Variants in MAP7D2 observed in about 807,000 individuals in gnomAD.
MAP7D2 encodes the protein MAP7 domain-containing protein 2.
Under a neutral mutation model 63.5 loss-of-function variants are expected in MAP7D2, and 33 were observed. The ratio of observed to expected loss-of-function variants is 0.52; its 90% CI spans 0.39 to 0.70. The LOEUF (loss-of-function observed/expected upper bound fraction) is 0.70, where lower values mean the gene tolerates loss of function less well. MAP7D2 is among the 30% of genes least tolerant of loss of function. The pLI, the probability that MAP7D2 is intolerant of heterozygous loss-of-function variation, is 0.00. For synonymous variants in MAP7D2, 224 were observed against 223.7 expected (o/e 1.00, Z -0.01); for missense variants, 626 against 604.0 (o/e 1.04, Z -0.38).
chrX:20,027,952 G>A (rs1479909274), intron 8 of MAP7D2, among the ~76,000 whole-genome samples: 1 of 109,912 alleles, frequency 9.1e-6, no homozygotes, highest in Non-Finnish European at 1.9e-5. Context: ...GTGCCTCTAC[G>A]ATTCAGCACG....
At position 20,044,616 on chromosome X, in the gene MAP7D2, T is replaced by A. The variant is rs2064748250; in HGVS notation, c.719-92A>T. On this transcript the variant is annotated intron_variant, in intron 6 of 16. Coordinates refer to ENST00000379643, the MANE Select transcript of MAP7D2 (RefSeq NM_001168465.2). ...TGGGAAGAACACATTTCTGTTAAAATATGACCTGGGCAATCAATATCATAC... is the reference window on the plus strand; with the variant it reads ...TGGGAAGAACACATTTCTGTTAAAAAATGACCTGGGCAATCAATATCATAC... 4 of 831,991 alleles carry A rather than the reference T, an allele frequency of 4.8e-6. No individual in the cohort carries two copies. In the Admixed American group the frequency reaches 7.5e-5, roughly 16 times the overall value. 68.6% of individuals were successfully genotyped at this position (831,991 alleles called of 1,213,427 possible). A position where few individuals can be genotyped will look rare whatever the true frequency, so the allele number is the denominator to read the frequency against.
intron 1 of MAP7D2, among the ~76,000 whole-genome samples, chrX:20,089,002 C>T (rs1028082625): frequency 4.5e-5 from 5 of 111,164 alleles, no homozygotes; most frequent in Admixed American, 9.6e-5. Flanking sequence ...AGGCTGGTCT[C>T]GAACTCCTGA....
At chrX:20,114,884 G>A (rs949754247) in intron 1 of MAP7D2, among the ~76,000 whole-genome samples, 4 of 112,089 alleles carry the variant, frequency 3.6e-5, no homozygotes, top group Non-Finnish European at 1.9e-5. Context: ...AGAATGATCA[G>A]TATCCAGGAC....
chrX:20,085,839 G>A (rs1352712860), intron 1 of MAP7D2, among the ~76,000 whole-genome samples: 1 of 111,556 alleles, frequency 9.0e-6, no homozygotes, highest in African/African-American at 3.3e-5. Flanking sequence ...AGCCTCCCAA[G>A]TAGCTGGGAT....
Position 20,057,668 on chromosome X carries a change from G to C in MAP7D2, c.373-877C>G, listed in dbSNP as rs370472247. 1.9e-4 allele frequency among the ~76,000 whole-genome samples: 21 copies of C among 111,771 alleles called. No individual in the cohort carries two copies. The South Asian group carries it at 3.8e-3, about 20-fold the overall frequency. On this transcript the variant is annotated intron_variant, in intron 3 of 16. Coordinates refer to ENST00000379643, the MANE Select transcript of MAP7D2 (RefSeq NM_001168465.2). The stretch of plus-strand genomic sequence containing the variant: ...CCTCTCCCTATCTCCACTGGAGAAG[G>C]CCTGAGCTAGCAGTTATAATGACAC...
At chrX:20,116,504 A>C in intron 1 of MAP7D2, 1 of 845,869 alleles carries the variant, frequency 1.2e-6, no homozygotes, top group Non-Finnish European at 1.4e-6. Flanking sequence ...GCCCACCCTA[A>C]GCCACCCCCC....
chrX:20,054,611 G>A (rs1408302923), intron 4 of MAP7D2, among the ~76,000 whole-genome samples: 3 of 109,203 alleles, frequency 2.7e-5, no homozygotes, highest in Non-Finnish European at 3.8e-5. Context: ...TTTCAAGACA[G>A]AGTCTTGCTC....
chrX:20,085,660 T>C (rs73445280), intron 1 of MAP7D2, among the ~76,000 whole-genome samples: 4,323 of 112,440 alleles, frequency 0.038, 209 homozygotes, highest in African/African-American at 0.13. Flanking sequence ...TCACTAAATG[T>C]AAGAAACAAA....
At chrX:20,028,109 A>G (rs773855265) in intron 8 of MAP7D2, among the ~76,000 whole-genome samples, 53 of 112,047 alleles carry the variant, frequency 4.7e-4, no homozygotes, top group Non-Finnish European at 8.8e-4. Context: ...AAATGTCTAC[A>G]GACACATATT....
chrX:20,020,668 C>G (rs1307160270), intron 10 of MAP7D2, among the ~76,000 whole-genome samples: 2 of 111,247 alleles, frequency 1.8e-5, no homozygotes, highest in Admixed American at 1.9e-4. Flanking sequence ...GCATGTGCCC[C>G]CACCTGCCCT....
intron 2 of MAP7D2, among the ~76,000 whole-genome samples, chrX:20,064,307 C>T (rs1362219830): frequency 8.9e-6 from 1 of 112,274 alleles, no homozygotes; most frequent in African/African-American, 3.2e-5. Context: ...CCTTTCTCAA[C>T]CAGGGCTCTC....
At chrX:20,057,641 C>T (rs1189555125) in intron 3 of MAP7D2, among the ~76,000 whole-genome samples, 1 of 112,135 alleles carries the variant, frequency 8.9e-6, no homozygotes, top group Non-Finnish European at 1.9e-5. Flanking sequence ...CAAATACCAA[C>T]TCCTCTCCCT....
chrX:20,092,560 C>T lies in MAP7D2; in HGVS notation c.130+24190G>A, dbSNP rs748978504. 4.2e-4 allele frequency among the ~76,000 whole-genome samples: 47 copies of T among 112,410 alleles called. 1 individual carries two copies. The highest frequency in any genetic ancestry group is 1.5e-3 in the South Asian group (4 of 2,708). On this transcript the variant is annotated intron_variant, in intron 1 of 16. Transcript: ENST00000379643. ...TAGTGATCCTCTCAACAGAATTCCT[C>T]TTCTTCCCCCGTCTTATAACTTATT...
chrX:20,025,172 A>C (rs1194434428), intron 9 of MAP7D2, 89 bp from the exon 10 acceptor site: 59 of 1,039,552 alleles, frequency 5.7e-5, no homozygotes, highest in Non-Finnish European at 7.3e-5. Context: ...GTTGGAAGTG[A>C]AAAAAAATCC....
Position 20,044,544 on chromosome X carries a change from C to T in MAP7D2, c.719-20G>A. Reference sequence around the variant, plus strand: ...GGAATACTAGAAAGTTACAGTATAACAGCCAGAAGGACAGAGAGTACAGAT... The same window carrying T: ...GGAATACTAGAAAGTTACAGTATAATAGCCAGAAGGACAGAGAGTACAGAT... On this transcript the variant is annotated intron_variant, in intron 6 of 16. Coordinates refer to ENST00000379643, the MANE Select transcript of MAP7D2 (RefSeq NM_001168465.2). The T allele has an allele frequency of 4.2e-6, 5 of 1,196,015 alleles. No homozygotes were observed. Among genetic ancestry groups the T allele is most frequent in the Non-Finnish European group, 5.7e-6 (5 of 881,805 alleles).
intron 1 of MAP7D2, among the ~76,000 whole-genome samples, chrX:20,109,902 G>A (rs1467790651): frequency 9.1e-6 from 1 of 110,001 alleles, no homozygotes; most frequent in Non-Finnish European, 1.9e-5. Flanking sequence ...CGGTTGTGGT[G>A]GCAGAGGCCT....
chrX:20,085,158 T>G (rs984948414), intron 1 of MAP7D2, among the ~76,000 whole-genome samples: 1 of 112,001 alleles, frequency 8.9e-6, no homozygotes, highest in Non-Finnish European at 1.9e-5. Context: ...CTAAGGACAT[T>G]AGTATAAATT....
At chrX:20,109,510 A>C (rs1603410781) in intron 1 of MAP7D2, among the ~76,000 whole-genome samples, 1 of 74,992 alleles carries the variant, frequency 1.3e-5, no homozygotes, top group Admixed American at 1.7e-4. Flanking sequence ...ACAGAGCAAG[A>C]CTCCGTCTCA....
At chrX:20,027,827 ACT>A in intron 8 of MAP7D2, among the ~76,000 whole-genome samples, 1 of 106,426 alleles carries the variant, frequency 9.4e-6, no homozygotes, top group East Asian at 3.0e-4. Flanking sequence ...ATGCACACAC[ACT>A]CTGTCTGTAC....
Sources: allele counts gnomAD v4.1 joint callset (sites outside exome capture counted in the v4.1 genomes callset), GRCh38; gene constraint gnomAD v4.1.1; transcripts MANE v1.5; gene names NCBI Gene and HGNC (gene_info 2026-07-23, HGNC 2026-07-21).